Variants in ARHGEF18 observed in about 807,000 individuals in gnomAD.
The protein encoded by ARHGEF18 is rho guanine nucleotide exchange factor 18.
Under a neutral mutation model 155.7 loss-of-function variants are expected in ARHGEF18, and 93 were observed. The ratio of observed to expected loss-of-function variants is 0.60; its 90% confidence interval spans 0.50 to 0.71. The LOEUF is 0.71. ARHGEF18 is among the 30% of genes least tolerant of loss of function. The pLI, the probability that ARHGEF18 is intolerant of heterozygous loss-of-function variation, is 0.00. For missense variants in ARHGEF18, 1,593 were observed against 1,816.1 expected (o/e 0.88, Z 2.23); for synonymous variants, 742 against 753.1 (o/e 0.99, Z 0.24).
In ARHGEF18 at chr19:7,401,919, G is replaced by C. The variant is rs114846725; in HGVS notation, c.967+18716G>C. On this transcript the variant is annotated intron_variant, in intron 10 of 28. Coordinates refer to ENST00000668164, the MANE Select transcript of ARHGEF18 (RefSeq NM_001367823.1). The stretch of plus-strand genomic sequence containing the variant: ...GCCATGAAAAAGAAGTTCCGATACA[G>C]AGATGGACCTGGAAAAAACTTGCTC... Among the ~76,000 whole-genome samples, 920 of 152,316 alleles carry C rather than the reference G, an allele frequency of 6.0e-3. 8 individuals are homozygous for C. The highest frequency in any genetic ancestry group is 0.013 in the African/African-American group (543 of 41,582).
chr19:7,414,582 A>G (rs1280917154), intron 10 of ARHGEF18, among the ~76,000 whole-genome samples: 1 of 152,026 alleles, frequency 6.6e-6, no homozygotes, highest in Non-Finnish European at 1.5e-5. Flanking sequence ...AAGCTGAGGC[A>G]GGCGGATCAC....
chr19:7,465,148 C>A (rs1976533141), intron 23 of ARHGEF18, among the ~76,000 whole-genome samples: 2 of 152,242 alleles, frequency 1.3e-5, no homozygotes, highest in African/African-American at 4.8e-5. Flanking sequence ...CTTGGACTTG[C>A]CCCTGTGGCC....
intron 14 of ARHGEF18, among the ~76,000 whole-genome samples, chr19:7,446,363 T>C (rs1279843694): frequency 6.7e-6 from 1 of 150,280 alleles, no homozygotes; most frequent in African/African-American, 2.5e-5. Context: ...CAGAGCAAGA[T>C]GCTGTCTCTA....
intron 10 of ARHGEF18, among the ~76,000 whole-genome samples, chr19:7,403,620 C>A (rs1322322129): frequency 6.6e-6 from 1 of 150,804 alleles, no homozygotes; most frequent in Non-Finnish European, 1.5e-5. Flanking sequence ...TCACTGAAGC[C>A]TTGACGTCCT....
chr19:7,386,020 C>T (rs536080718), intron 10 of ARHGEF18, among the ~76,000 whole-genome samples: 1 of 139,398 alleles, frequency 7.2e-6, no homozygotes, highest in South Asian at 2.4e-4. Context: ...CTCTCTCTCC[C>T]TCTCCCTCTC....
In ARHGEF18 at chr19:7,470,080, G is replaced by A. The variant is rs78886558; in HGVS notation, c.3914-46G>A. On this transcript the variant is annotated intron_variant, in intron 28 of 28. Transcript: ENST00000668164. The surrounding 1 kb of genome is among the most constrained non-coding windows in gnomAD (Gnocchi z 5.9). ...CCCAGTCCCAGGGCAGCGGGGCTGC[G>A]GCACCACCCGGCGACTGCTCAGTCT... is the stretch of plus-strand genomic sequence containing the variant. 6.2e-3 allele frequency: 10,020 copies of A among 1,611,288 alleles called. 48 individuals are homozygous for A. The highest frequency in any genetic ancestry group is 7.7e-3 in the Non-Finnish European group (9,095 of 1,179,146).
intron 10 of ARHGEF18, among the ~76,000 whole-genome samples, chr19:7,388,092 C>T (rs187775282): frequency 5.9e-5 from 9 of 152,118 alleles, no homozygotes; most frequent in African/African-American, 2.2e-4. Flanking sequence ...TCAATAAACC[C>T]CTTACAAAAA....
intron 26 of ARHGEF18, 38 bp downstream of exon 26, chr19:7,467,722 G>T: frequency 1.4e-6 from 2 of 1,428,540 alleles, no homozygotes; most frequent in South Asian, 2.9e-5. Flanking sequence ...GGTTGGGGGT[G>T]ACCGGTTTGC....
In ARHGEF18 at chr19:7,395,387, A is replaced by C. The variant is rs774043714; in HGVS notation, c.967+12184A>C. 66 of 888,866 alleles carry C rather than the reference A, an allele frequency of 7.4e-5. No homozygotes were observed. The highest frequency in any genetic ancestry group is 8.9e-5 in the Non-Finnish European group (66 of 742,022). The allele number at this position is 888,866 out of a possible 1,614,324, so 55.1% of individuals were successfully genotyped here. On this transcript the variant is annotated intron_variant, in intron 10 of 28. Transcript: ENST00000668164. The surrounding 1 kb of genome is among the most constrained non-coding windows in gnomAD (Gnocchi z 5.0). ...CGGCTCCTGGGGGACTTCTCCAGGCAGGCGAACGGGTGCTGGGGTGCAGGC... is the reference window on the plus strand; with the variant it reads ...CGGCTCCTGGGGGACTTCTCCAGGCCGGCGAACGGGTGCTGGGGTGCAGGC...
In ARHGEF18 at chr19:7,468,020, C is replaced by T. The variant is rs1337817691; in HGVS notation, c.3480+336C>T. Among the ~76,000 whole-genome samples, 17 of 151,872 alleles carry T rather than the reference C, an allele frequency of 1.1e-4. 1 individual carries two copies. Among genetic ancestry groups the T allele is most frequent in the Admixed American group, 1.0e-3 (16 of 15,252 alleles). ...TTCCAGGCCAGCCTGGGTAACATGG[C>T]GAAACTCCATCTCTACAAAAAAATA... On this transcript the variant is annotated intron_variant, in intron 26 of 28. Transcript: ENST00000668164.
Position 7,440,483 on chromosome 19 carries a change from G to A in ARHGEF18, c.1106+1G>A. On this transcript the variant is annotated splice_donor_variant, in intron 11 of 28. Transcript: ENST00000668164. LOFTEE classifies it high-confidence loss of function. The surrounding 1 kb of genome is among the most constrained non-coding windows in gnomAD (Gnocchi z 5.4). ...CGGCTGGCCCTGGGACGCAACTCGG[G>A]TAAGCCAGGGTCCCCTCTGTGCCCT... The A allele has an allele frequency of 1.3e-6, 2 of 1,595,584 alleles. No homozygotes were observed. Among genetic ancestry groups the A allele is most frequent in the Non-Finnish European group, 1.7e-6 (2 of 1,177,562 alleles).
At position 7,451,190 on chromosome 19, in the gene ARHGEF18, G is replaced by A. The variant is rs1056744891; in HGVS notation, c.1779G>A (p.Gln593=). ...NFSIVRRLGV[Q]ECILLVTQRI... ...CCATCGTGCGGCGGCTTGGCGTGCA[G>A]GAGTGCATTCTCCTGGTTACACAAC... The change falls in exon 16 of 29, where the codon CAG becomes CAA. Residue 593 remains glutamine (Q), a synonymous_variant. Transcript: ENST00000668164. 1.9e-5 allele frequency: 30 copies of A among 1,576,300 alleles called. No homozygotes were observed. Among genetic ancestry groups the A allele is most frequent in the Non-Finnish European group, 2.2e-5 (26 of 1,164,498 alleles).
intron 10 of ARHGEF18, among the ~76,000 whole-genome samples, chr19:7,412,390 A>G (rs1972739710): frequency 6.6e-6 from 1 of 151,730 alleles, no homozygotes; most frequent in African/African-American, 2.4e-5. Flanking sequence ...CCAGCAGTGT[A>G]TGAGGGTCCT....
rs1471617478 is a variant in ARHGEF18 at position 7,469,955 on chromosome 19, A to G, written c.3839A>G (p.Asp1280Gly). 1 of 1,612,950 alleles carries G rather than the reference A, an allele frequency of 6.2e-7. No individual in the cohort carries two copies. The highest frequency in any genetic ancestry group is 1.3e-5 in the African/African-American group (1 of 74,894). Residue 1280 changes from aspartate (D) to glycine (G), a missense_variant, in exon 28 of 29, where the codon GAT (aspartate) becomes GGT (glycine). Transcript: ENST00000668164. ...CTGCTCAACAAGCTCATGGGGAAAG[A>G]TGAGAGCACCTCACGGAACCGCCGC... ...QLLLNKLMGKDESTSRNRRSL... is the reference protein window; with the variant it reads ...QLLLNKLMGKGESTSRNRRSL...
rs542948622 is a variant in ARHGEF18 at position 7,423,353 on chromosome 19, G to A, written c.968-16991G>A. ...AATTGTCCCAACAGTCCTGTGAGGTGGATGTCATTTATTACTTCTGCACAG... is the reference window on the plus strand; with the variant it reads ...AATTGTCCCAACAGTCCTGTGAGGTAGATGTCATTTATTACTTCTGCACAG... On this transcript the variant is annotated intron_variant, in intron 10 of 28. Transcript: ENST00000668164. Among the ~76,000 whole-genome samples, 6 of 152,172 alleles carry A rather than the reference G, an allele frequency of 3.9e-5. No individual in the cohort carries two copies. In the South Asian group the frequency reaches 1.2e-3, roughly 32 times the overall value.
intron 5 of ARHGEF18, among the ~76,000 whole-genome samples, chr19:7,378,080 G>A (rs762277051): frequency 6.6e-6 from 1 of 152,108 alleles, no homozygotes; most frequent in Admixed American, 6.6e-5. Flanking sequence ...GTGACAGAGC[G>A]AGACTGTGTC....
At chr19:7,451,372 A>C in intron 16 of ARHGEF18, 106 bp downstream of exon 16, 1 of 928,458 alleles carries the variant, frequency 1.1e-6, no homozygotes, top group Non-Finnish European at 1.6e-6. Context: ...ATTCCCTTTG[A>C]AATCCAGTTT....
rs1279086371 is a variant in ARHGEF18, at chr19:7,385,870, TCCCCC to T, written c.967+2669_967+2673del. Among the ~76,000 whole-genome samples the T allele has an allele frequency of 8.5e-3, 251 of 29,514 alleles. 16 individuals are homozygous for T. Among genetic ancestry groups the T allele is most frequent in the African/African-American group, 0.033 (173 of 5,274 alleles). The allele number at this position is 29,514 out of a possible 152,430, so 19.4% of individuals were successfully genotyped here. ...CTCTCTCTCTCTCTCTCTCTCTCTC[TCCCCC>T]CTCCCTCTCTCCCTCCCTCCCTCTC... On this transcript the variant is annotated intron_variant, in intron 10 of 28. Coordinates refer to ENST00000668164, the MANE Select transcript of ARHGEF18 (RefSeq NM_001367823.1).
At chr19:7,438,211 C>T (rs1349081203) in intron 10 of ARHGEF18, among the ~76,000 whole-genome samples, 3 of 151,614 alleles carry the variant, frequency 2.0e-5, no homozygotes, top group Non-Finnish European at 4.4e-5. Flanking sequence ...AGCAATCCTA[C>T]TGCCTCAGCC....
Sources: allele counts gnomAD v4.1 joint callset (sites outside exome capture counted in the v4.1 genomes callset), GRCh38; gene constraint gnomAD v4.1.1; non-coding constraint Gnocchi (gnomAD v3.1); transcripts MANE v1.5; gene names NCBI Gene and HGNC (gene_info 2026-07-23, HGNC 2026-07-21).